Variants in RAP1GAP2 observed in about 807,000 individuals in gnomAD.
RAP1GAP2 encodes the protein rap1 GTPase-activating protein 2.
RAP1GAP2 carries 27 observed loss-of-function variants against 95.0 expected under a neutral mutation model. That is an observed-to-expected ratio of 0.28 (90% CI 0.21 to 0.39). RAP1GAP2 has a LOEUF of 0.39. Among genes scored for constraint, RAP1GAP2 ranks in the 10% least tolerant of loss-of-function variants. The pLI, the probability that RAP1GAP2 is intolerant of heterozygous loss-of-function variation, is 1.00. For synonymous variants in RAP1GAP2, 373 were observed against 380.9 expected (o/e 0.98, Z 0.24); for missense variants, 771 against 970.0 (o/e 0.79, Z 2.72).
Position 2,965,776 on chromosome 17 carries a change from G to A in RAP1GAP2, c.596+133G>A. ...TGGGTGCACTGGCTGACGGGGACAG[G>A]CCTGCTGGAATCCTGGGGCTGTGTC... On this transcript the variant is annotated intron_variant, in intron 8 of 24. Coordinates refer to ENST00000254695, the MANE Select transcript of RAP1GAP2 (RefSeq NM_015085.5). The surrounding 1 kb of genome is among the most constrained non-coding windows in gnomAD (Gnocchi z 4.7). 1 of 681,432 alleles carries A rather than the reference G, an allele frequency of 1.5e-6. No individual in the cohort carries two copies. The highest frequency in any genetic ancestry group is 2.7e-5 in the East Asian group (1 of 36,478). 42.2% of individuals were successfully genotyped at this position (681,432 alleles called of 1,614,324 possible). A position where few individuals can be genotyped will look rare whatever the true frequency, so the allele number is the denominator to read the frequency against.
intron 2 of RAP1GAP2, chr17:2,853,833 C>A: frequency 1.3e-6 from 1 of 756,128 alleles, no homozygotes; most frequent in Non-Finnish European, 1.6e-6. Context: ...GAGGGGAGAG[C>A]GCGCGGTCAC....
At chr17:2,978,711 G>T (rs62092000) in intron 8 of RAP1GAP2, among the ~76,000 whole-genome samples, 6 of 151,670 alleles carry the variant, frequency 4.0e-5, no homozygotes, top group Non-Finnish European at 8.8e-5. Flanking sequence ...AGGTGGGTGG[G>T]TCACCTGAGG....
In RAP1GAP2 at chr17:3,008,203, A is replaced by G. The variant is rs985119186; in HGVS notation, c.1494+58A>G. ...GGGGTTGGGATTGGGGAAGAAAGGAAGTGGTCCAAGGTCCATGGGATACTG... is the reference window on the plus strand; with the variant it reads ...GGGGTTGGGATTGGGGAAGAAAGGAGGTGGTCCAAGGTCCATGGGATACTG... On this transcript the variant is annotated intron_variant, in intron 17 of 24. Coordinates refer to ENST00000254695, the MANE Select transcript of RAP1GAP2 (RefSeq NM_015085.5). This position sits in a 1 kb window ranked among gnomAD's most constrained non-coding sequence, Gnocchi z 4.2. 5.9e-5 allele frequency: 95 copies of G among 1,606,582 alleles called. No homozygotes were observed. Among genetic ancestry groups the G allele is most frequent in the Non-Finnish European group, 7.7e-5 (90 of 1,175,486 alleles).
intron 19 of RAP1GAP2, among the ~76,000 whole-genome samples, chr17:3,025,399 G>A (rs1010291176): frequency 1.3e-5 from 2 of 152,148 alleles, no homozygotes; most frequent in Non-Finnish European, 2.9e-5. Flanking sequence ...TTGAGGACAC[G>A]GCCATCCCAT....
chr17:2,820,682 C>G (rs916481604), intron 2 of RAP1GAP2, among the ~76,000 whole-genome samples: 1 of 151,096 alleles, frequency 6.6e-6, no homozygotes, highest in Non-Finnish European at 1.5e-5. Flanking sequence ...ATTCCCATTC[C>G]CCACGTCCTC....
rs67067799 is a variant in RAP1GAP2 at position 2,931,121 on chromosome 17, CAAAAAAAAAAA to C, written c.165+25766_165+25776del. Among the ~76,000 whole-genome samples, 95 of 67,186 alleles carry C rather than the reference CAAAAAAAAAAA, an allele frequency of 1.4e-3. No individual in the cohort carries two copies. The East Asian group carries it at 0.015, about 11-fold the overall frequency. 44.1% of individuals were successfully genotyped at this position (67,186 alleles called of 152,430 possible). ...TGGGTGACAGAGCGAGACTCCATCT[CAAAAAAAAAAA>C]AAAAAAAAAAAAGAAGAAGAGAAAC... On this transcript the variant is annotated intron_variant, in intron 3 of 24. Transcript: ENST00000254695.
chr17:2,879,932 G>A (rs890257296), intron 2 of RAP1GAP2, among the ~76,000 whole-genome samples: 16 of 152,214 alleles, frequency 1.1e-4, no homozygotes, highest in African/African-American at 3.9e-4. Flanking sequence ...TGTCTCCCAA[G>A]AGACCGCAGG....
At chr17:3,026,912 G>T in intron 21 of RAP1GAP2, 32 bp from the exon 22 acceptor site, 2 of 1,543,780 alleles carry the variant, frequency 1.3e-6, no homozygotes, top group Non-Finnish European at 1.8e-6. Flanking sequence ...CCGAGGGTGG[G>T]CTGGCCTCGC....
chr17:2,927,930 C>T lies in RAP1GAP2; in HGVS notation c.165+22562C>T, dbSNP rs78261896. 3.0e-3 allele frequency among the ~76,000 whole-genome samples: 453 copies of T among 152,300 alleles called. 11 individuals carry two copies. The East Asian group carries it at 0.064, about 21-fold the overall frequency. On this transcript the variant is annotated intron_variant, in intron 3 of 24. Transcript: ENST00000254695. ...AGATGTCCTTGCCCTGATCCCACGACCATGAGACTTGAAGGGCAGGGATGG... is the reference window on the plus strand; with the variant it reads ...AGATGTCCTTGCCCTGATCCCACGATCATGAGACTTGAAGGGCAGGGATGG...
intron 3 of RAP1GAP2, among the ~76,000 whole-genome samples, chr17:2,923,977 G>C (rs2042876241): frequency 1.3e-5 from 2 of 152,162 alleles, no homozygotes; most frequent in Admixed American, 1.3e-4. Flanking sequence ...TAAACAAGTG[G>C]CTCAGAAGGA....
intron 3 of RAP1GAP2, among the ~76,000 whole-genome samples, chr17:2,923,179 A>G (rs1442159117): frequency 1.3e-5 from 2 of 151,742 alleles, no homozygotes; most frequent in Non-Finnish European, 2.9e-5. Flanking sequence ...AGCTGGGACT[A>G]CAGGCACCTG....
chr17:2,822,751 A>G (rs2070366789), intron 2 of RAP1GAP2, among the ~76,000 whole-genome samples: 1 of 150,924 alleles, frequency 6.6e-6, no homozygotes, highest in Non-Finnish European at 1.5e-5. Context: ...ACATGTGCAC[A>G]ACGTGCAGGT....
chr17:2,843,140 C>G (rs1045671812), intron 2 of RAP1GAP2, among the ~76,000 whole-genome samples: 1 of 152,072 alleles, frequency 6.6e-6, no homozygotes, highest in African/African-American at 2.4e-5. Context: ...AAACCTCAAC[C>G]TGGAATAATA....
chr17:2,776,456 C>T (rs986338857), upstream of RAP1GAP2, among the ~76,000 whole-genome samples: 2 of 152,280 alleles, frequency 1.3e-5, no homozygotes, highest in East Asian at 1.9e-4. Flanking sequence ...ACCTGCCCCG[C>T]CCCGCGCCTT....
rs1251150152 is a variant in RAP1GAP2 at position 2,827,174 on chromosome 17, C to T, written c.80+26624C>T. 1.3e-5 allele frequency among the ~76,000 whole-genome samples: 2 copies of T among 152,086 alleles called. No homozygotes were observed. Among genetic ancestry groups the T allele is most frequent in the Non-Finnish European group, 2.9e-5 (2 of 68,026 alleles). On this transcript the variant is annotated intron_variant, in intron 2 of 24. Transcript: ENST00000254695. This position sits in a 1 kb window ranked among gnomAD's most constrained non-coding sequence, Gnocchi z 4.1. ...GATGCCTTCGGCCTTGAGTGTGGTG[C>T]GTTTGAGGAGCTTGTGGATCGTCCC...
upstream of RAP1GAP2, among the ~76,000 whole-genome samples, chr17:2,772,855 CTTTT>C (rs773565092): frequency 5.4e-4 from 68 of 126,068 alleles, no homozygotes; most frequent in African/African-American, 1.7e-3. Context: ...TTCTTTCTTT[CTTTT>C]TTTTTTTTTT....
At chr17:2,843,021 G>A (rs2071432553) in intron 2 of RAP1GAP2, among the ~76,000 whole-genome samples, 2 of 152,260 alleles carry the variant, frequency 1.3e-5, no homozygotes, top group South Asian at 2.1e-4. Context: ...GATGACTAAG[G>A]TGTACACGGT....
At chr17:2,939,111 G>C (rs2043396318) in intron 3 of RAP1GAP2, among the ~76,000 whole-genome samples, 1 of 151,636 alleles carries the variant, frequency 6.6e-6, no homozygotes, top group African/African-American at 2.4e-5. Flanking sequence ...TCTTTTTTGA[G>C]ACAGAGTCCT....
In RAP1GAP2 at chr17:3,037,283, A is replaced by AG. The variant is rs539476803; in HGVS notation, c.*3928dup. 1.0e-4 allele frequency: 14 copies of AG among 139,892 alleles called. No individual in the cohort carries two copies. The East Asian group carries it at 2.5e-3, about 25-fold the overall frequency. The allele number at this position is 139,892 out of a possible 1,614,324, so 8.7% of individuals were successfully genotyped here. ...GTCCTGTGCCTTACCAGCCCTGGGG[A>AG]GGGGGGCATTTGGCTGGAAGACTGG... is the stretch of plus-strand genomic sequence containing the variant. On this transcript the variant is annotated 3_prime_UTR_variant, in exon 25 of 25. Coordinates refer to ENST00000254695, the MANE Select transcript of RAP1GAP2 (RefSeq NM_015085.5).
Sources: allele counts gnomAD v4.1 joint callset (sites outside exome capture counted in the v4.1 genomes callset), GRCh38; gene constraint gnomAD v4.1.1; non-coding constraint Gnocchi (gnomAD v3.1); transcripts MANE v1.5; gene names NCBI Gene and HGNC (gene_info 2026-07-23, HGNC 2026-07-21).